The following SORCS3 variants were observed in gnomAD, a reference collection of about 807,000 sequenced individuals.
SORCS3 encodes VPS10 domain-containing receptor SorCS3.
SORCS3 carries 57 observed loss-of-function variants against 146.3 expected under a neutral mutation model. The ratio of observed to expected loss-of-function variants is 0.39; its 90% CI spans 0.31 to 0.49. The LOEUF (loss-of-function observed/expected upper bound fraction) is 0.49. Ranked by LOEUF, SORCS3 falls within the 20% of genes least tolerant of loss-of-function variation. The pLI is 0.92. For missense variants in SORCS3, 1,341 were observed against 1,575.5 expected, an observed-to-expected ratio of 0.85 and a Z score of 2.52; for synonymous variants, 653 against 618.5, an observed-to-expected ratio of 1.06 and a Z score of -0.83.
intron 1 of SORCS3, among the ~76,000 whole-genome samples, chr10:104,786,752 G>A (rs2017442105): frequency 6.6e-6 from 1 of 152,106 alleles, no homozygotes; most frequent in South Asian, 2.1e-4. Flanking sequence ...CCCTTGGTCT[G>A]TGACCCACCT....
intron 16 of SORCS3, among the ~76,000 whole-genome samples, 164 bp from the exon 17 acceptor site, chr10:105,210,973 A>G (rs1045486178): frequency 3.9e-5 from 6 of 152,202 alleles, no homozygotes; most frequent in Non-Finnish European, 8.8e-5. Context: ...TAAAGCTAAA[A>G]GTTCATTTTC....
At chr10:105,258,626 ACTT>A (rs1328567850) in intron 25 of SORCS3, among the ~76,000 whole-genome samples, 2 of 150,792 alleles carry the variant, frequency 1.3e-5, no homozygotes, top group African/African-American at 4.8e-5. Flanking sequence ...GACTTGGAAA[ACTT>A]CTTTTTTTGT....
intron 6 of SORCS3, among the ~76,000 whole-genome samples, chr10:105,102,292 C>T (rs1178280306): frequency 1.3e-5 from 2 of 152,164 alleles, no homozygotes; most frequent in Non-Finnish European, 2.9e-5. Flanking sequence ...TGCCCATCTA[C>T]AGTGGACTGG....
intron 1 of SORCS3, among the ~76,000 whole-genome samples, chr10:104,704,945 G>A (rs1303286532): frequency 2.0e-5 from 3 of 152,064 alleles, no homozygotes; most frequent in Admixed American, 2.0e-4. Context: ...CTTCCTGGAG[G>A]TTTTCTTCTC....
In SORCS3 at chr10:105,178,101, A is replaced by G; in HGVS notation, c.1937A>G (p.Tyr646Cys). 6.2e-7 allele frequency: 1 copy of G among 1,613,564 alleles called. No individual in the cohort carries two copies. Among genetic ancestry groups the G allele is most frequent in the East Asian group, 2.2e-5 (1 of 44,812 alleles). Reference sequence around the variant, plus strand: ...GATGAGGGCCACTCTTGGGACAAGTATGGTTTCACTTCGGTTCCTCTCTTT... The same window carrying G: ...GATGAGGGCCACTCTTGGGACAAGTGTGGTTTCACTTCGGTTCCTCTCTTT... The part of the protein sequence containing the change: ...SFDEGHSWDK[Y>C]GFTSVPLFVD... Residue 646 changes from tyrosine (Y) to cysteine (C), a missense_variant, in exon 14 of 27, where the codon TAT becomes TGT. Transcript: ENST00000369701.
chr10:105,211,300 A>G (rs1589690503), intron 17 of SORCS3, 50 bp downstream of exon 17: 1 of 1,276,968 alleles, frequency 7.8e-7, no homozygotes, highest in Non-Finnish European at 1.1e-6. Flanking sequence ...CTGTTTCTCT[A>G]AACTAGGACC....
At chr10:105,153,399 G>T (rs997232585) in intron 9 of SORCS3, among the ~76,000 whole-genome samples, 13 of 152,134 alleles carry the variant, frequency 8.5e-5, no homozygotes, top group Non-Finnish European at 1.6e-4. Context: ...GTGTGATTAT[G>T]AATAAAATAT....
intron 3 of SORCS3, among the ~76,000 whole-genome samples, chr10:104,967,270 C>T (rs2054831106): frequency 6.6e-6 from 1 of 152,058 alleles, no homozygotes; most frequent in African/African-American, 2.4e-5. Context: ...TAAAATATTA[C>T]CAGAAATGCA....
At chr10:104,758,130 G>A (rs1439980834) in intron 1 of SORCS3, among the ~76,000 whole-genome samples, 3 of 152,186 alleles carry the variant, frequency 2.0e-5, no homozygotes, top group Non-Finnish European at 4.4e-5. Context: ...CTTGGATGAG[G>A]AGAAAGGGTC....
chr10:105,140,231 A>G (rs1012595690), intron 8 of SORCS3, among the ~76,000 whole-genome samples: 1 of 152,200 alleles, frequency 6.6e-6, no homozygotes, highest in Non-Finnish European at 1.5e-5. Context: ...GGAACATATT[A>G]TGAAAGACTA....
intron 1 of SORCS3, among the ~76,000 whole-genome samples, chr10:104,841,586 G>C (rs1216590806): frequency 6.6e-6 from 1 of 152,162 alleles, no homozygotes; most frequent in African/African-American, 2.4e-5. Flanking sequence ...CCCATAGAGT[G>C]CTGGATGAGA....
chr10:105,063,693 A>G (rs75145047), intron 5 of SORCS3, among the ~76,000 whole-genome samples: 1,720 of 152,332 alleles, frequency 0.011, 19 homozygotes, highest in African/African-American at 0.029. Flanking sequence ...TATTTCCACC[A>G]GAGCATTTGC....
At chr10:104,958,910 C>T (rs1195773092) in intron 3 of SORCS3, among the ~76,000 whole-genome samples, 4 of 152,000 alleles carry the variant, frequency 2.6e-5, no homozygotes, top group African/African-American at 4.8e-5. Flanking sequence ...CTTGTGAGAA[C>T]GAACTCACTG....
At chr10:105,089,896 C>A in intron 6 of SORCS3, 57 bp downstream of exon 6, 1 of 1,387,528 alleles carries the variant, frequency 7.2e-7, no homozygotes, top group Non-Finnish European at 1.0e-6. Context: ...GGTCTCTGTC[C>A]TCCCCCAATT....
At chr10:105,263,235 G>A in intron 26 of SORCS3, 75 bp from the exon 27 acceptor site, 1 of 1,437,134 alleles carries the variant, frequency 7.0e-7, no homozygotes, top group Non-Finnish European at 9.8e-7. Context: ...TTGGTATTTA[G>A]CAGTGAATAA....
chr10:104,795,012 G>A (rs938484524), intron 1 of SORCS3, among the ~76,000 whole-genome samples: 7 of 152,002 alleles, frequency 4.6e-5, no homozygotes, highest in African/African-American at 7.2e-5. Flanking sequence ...CCAGTTTCCC[G>A]TTTTTATAAC....
At chr10:105,006,462 A>G (rs1221700960) in intron 4 of SORCS3, among the ~76,000 whole-genome samples, 2 of 152,104 alleles carry the variant, frequency 1.3e-5, no homozygotes, top group African/African-American at 4.8e-5. Context: ...TCCCTAATCC[A>G]CATACCATCT....
In SORCS3 at chr10:105,212,462, C is replaced by T. The variant is rs57805538; in HGVS notation, c.2375+1212C>T. ...TTAGCTGGGCCACCAATTTCCCAGT[C>T]AGGGCCTAAGCTGAATGTGATTGCA... On this transcript the variant is annotated intron_variant, in intron 17 of 26. Transcript: ENST00000369701. Among the ~76,000 whole-genome samples, 6 of 152,286 alleles carry T rather than the reference C, an allele frequency of 3.9e-5. No individual in the cohort carries two copies. The East Asian group carries it at 1.2e-3, about 29-fold the overall frequency.
At chr10:105,259,454 C>G (rs150436419) in intron 25 of SORCS3, among the ~76,000 whole-genome samples, 74 of 152,270 alleles carry the variant, frequency 4.9e-4, no homozygotes, top group African/African-American at 1.6e-3. Flanking sequence ...GAAATGATCT[C>G]AGTATCCCAA....
Sources: gnomAD v4.1 joint callset for allele counts (sites outside exome capture counted in the v4.1 genomes callset) on GRCh38, gnomAD v4.1.1 for gene constraint, MANE v1.5 for transcripts, NCBI Gene and HGNC (gene_info 2026-07-23, HGNC 2026-07-21) for gene names.